The following PRICKLE1 variants were observed in gnomAD, a reference collection of about 807,000 sequenced individuals.
PRICKLE1 encodes the protein prickle planar cell polarity protein 1.
Under a neutral mutation model 70.2 loss-of-function variants are expected in PRICKLE1, and 14 were observed. The ratio of observed to expected loss-of-function variants is 0.20; its 90% confidence interval spans 0.13 to 0.31. The LOEUF (loss-of-function observed/expected upper bound fraction) is 0.31. PRICKLE1 is among the 10% of genes least tolerant of loss of function. The pLI is 1.00. For missense variants in PRICKLE1, 821 were observed against 1,026.2 expected (o/e 0.80, Z 2.73); for synonymous variants, 357 against 379.9 (o/e 0.94, Z 0.70).
chr12:42,533,931 C>A (rs1382516403), intron 1 of PRICKLE1, among the ~76,000 whole-genome samples: 2 of 152,128 alleles, frequency 1.3e-5, no homozygotes, highest in Non-Finnish European at 2.9e-5. Flanking sequence ...AATATTCCCC[C>A]ATCACTAGCT....
At chr12:42,469,890 T>C in intron 3 of PRICKLE1, 2 of 502,210 alleles carry the variant, frequency 4.0e-6, no homozygotes, top group Admixed American at 3.3e-5. Flanking sequence ...AACTTGTTAA[T>C]TGCCACTTTT....
chr12:42,555,028 C>T (rs12821463), intron 1 of PRICKLE1, among the ~76,000 whole-genome samples: 41,071 of 151,964 alleles, frequency 0.27, 6,663 homozygotes, highest in Admixed American at 0.41. Flanking sequence ...TCAGGCCGGG[C>T]GCAGTGGCTC....
At chr12:42,575,623 G>A (rs898731072) in intron 1 of PRICKLE1, among the ~76,000 whole-genome samples, 1 of 152,120 alleles carries the variant, frequency 6.6e-6, no homozygotes, top group Admixed American at 6.6e-5. Flanking sequence ...AAACCTGGGA[G>A]GTGGAGGTTG....
rs142613488 is a variant in PRICKLE1, at chr12:42,459,880, G to T, written c.2425C>A (p.Gln809Lys). The T allele has an allele frequency of 6.2e-7, 1 of 1,614,116 alleles. No individual in the cohort carries two copies. Among genetic ancestry groups the T allele is most frequent in the Admixed American group, 1.7e-5 (1 of 60,020 alleles). ...SSPPSALPTPQFGQRTTKSKK... is the reference protein window; with the variant it reads ...SSPPSALPTPKFGQRTTKSKK... ...GATTTTGTTGTCCTCTGACCAAACTGAGGGGTGGGAAGTGCAGATGGTGGA... is the reference window on the plus strand; with the variant it reads ...GATTTTGTTGTCCTCTGACCAAACTTAGGGGTGGGAAGTGCAGATGGTGGA... The change falls in exon 8 of 8, where the codon CAG becomes AAG. Residue 809 changes from glutamine to lysine, a missense_variant. By Grantham distance (53) the Gln-to-Lys change is moderately conservative (BLOSUM62 1). Transcript: ENST00000345127.
At chr12:42,581,837 A>G (rs555718583) in intron 1 of PRICKLE1, among the ~76,000 whole-genome samples, 5 of 152,134 alleles carry the variant, frequency 3.3e-5, no homozygotes, top group South Asian at 4.1e-4. Context: ...ATGATACACT[A>G]TCATAACCTG....
At chr12:42,565,721 C>T (rs1409760030) in intron 1 of PRICKLE1, among the ~76,000 whole-genome samples, 1 of 152,144 alleles carries the variant, frequency 6.6e-6, no homozygotes, top group Non-Finnish European at 1.5e-5. Flanking sequence ...ATCCAGTTTC[C>T]CTACCTTCTT....
intron 1 of PRICKLE1, among the ~76,000 whole-genome samples, chr12:42,510,764 T>A (rs1939497821): frequency 6.6e-6 from 1 of 152,218 alleles, no homozygotes; most frequent in African/African-American, 2.4e-5. Flanking sequence ...ATGTCCTATG[T>A]CTGTGTTATT....
chr12:42,484,874 C>A (rs1938944777), intron 1 of PRICKLE1, among the ~76,000 whole-genome samples: 1 of 152,116 alleles, frequency 6.6e-6, no homozygotes, highest in South Asian at 2.1e-4. Flanking sequence ...TTCTGAACTA[C>A]AAATTTTAGT....
intron 1 of PRICKLE1, among the ~76,000 whole-genome samples, chr12:42,487,078 G>A (rs1002294217): frequency 1.3e-5 from 2 of 152,162 alleles, no homozygotes; most frequent in Admixed American, 6.5e-5. Context: ...CAAAACCCTT[G>A]GGATCCTACA....
At chr12:42,548,921 G>T (rs1369484768) in intron 1 of PRICKLE1, among the ~76,000 whole-genome samples, 1 of 152,092 alleles carries the variant, frequency 6.6e-6, no homozygotes, top group Non-Finnish European at 1.5e-5. Context: ...AGGAGTTTGA[G>T]ACCAGCCTGG....
chr12:42,515,577 T>C (rs941578099), intron 1 of PRICKLE1, among the ~76,000 whole-genome samples: 1 of 152,220 alleles, frequency 6.6e-6, no homozygotes, highest in African/African-American at 2.4e-5. Context: ...CTATCCCATG[T>C]ACCTTTTCAT....
chr12:42,472,307 C>G (rs1334064334), intron 2 of PRICKLE1, 78 bp downstream of exon 2: 2 of 1,487,432 alleles, frequency 1.3e-6, no homozygotes, highest in Non-Finnish European at 1.9e-6. Context: ...GATGTTCTAT[C>G]CATTTACAAA....
intron 1 of PRICKLE1, among the ~76,000 whole-genome samples, chr12:42,523,824 T>C (rs960501941): frequency 6.6e-6 from 1 of 152,230 alleles, no homozygotes; most frequent in African/African-American, 2.4e-5. Context: ...TAAAGTTCAG[T>C]ATAAAGATCT....
intron 1 of PRICKLE1, among the ~76,000 whole-genome samples, chr12:42,551,684 C>A (rs188650798): frequency 2.6e-5 from 4 of 152,288 alleles, no homozygotes; most frequent in Admixed American, 1.3e-4. Context: ...AAGCTGGTTT[C>A]TTCTCCCTGT....
At chr12:42,555,751 A>T (rs1940403611) in intron 1 of PRICKLE1, among the ~76,000 whole-genome samples, 1 of 152,222 alleles carries the variant, frequency 6.6e-6, no homozygotes, top group Non-Finnish European at 1.5e-5. Flanking sequence ...ACAGTAAAAA[A>T]TAGCTGTTAA....
chr12:42,546,034 C>G (rs909724004), intron 1 of PRICKLE1, among the ~76,000 whole-genome samples: 4 of 151,734 alleles, frequency 2.6e-5, no homozygotes, highest in African/African-American at 9.7e-5. Context: ...TGTAAAAAAG[C>G]AATCTTTCAT....
intron 1 of PRICKLE1, among the ~76,000 whole-genome samples, chr12:42,536,631 T>G (rs1940020724): frequency 6.6e-6 from 1 of 152,156 alleles, no homozygotes; most frequent in Non-Finnish European, 1.5e-5. Context: ...TTCTAACAGC[T>G]CTCTCATCTG....
Position 42,483,996 on chromosome 12 carries a change from A to C in PRICKLE1, c.-48-11432T>G, listed in dbSNP as rs575590021. On this transcript the variant is annotated intron_variant, in intron 1 of 7. Transcript: ENST00000345127. ...CCTGGGGCCGGCGATCTTCAAAAGT[A>C]ATCAGAGCCCGCAGTAAAAAAAAAA... The C allele has an allele frequency of 2.5e-3, 317 of 125,912 alleles. 2 individuals carry two copies. The highest frequency in any genetic ancestry group is 8.3e-3 in the African/African-American group (277 of 33,482). The allele number at this position is 125,912 out of a possible 1,614,324, so 7.8% of individuals were successfully genotyped here.
chr12:42,460,891 T>A (rs1937805702), intron 7 of PRICKLE1, among the ~76,000 whole-genome samples: 1 of 152,172 alleles, frequency 6.6e-6, no homozygotes, highest in Non-Finnish European at 1.5e-5. Context: ...GTTTTTTTGT[T>A]TTGTTTTGAG....
Sources: gnomAD v4.1 joint callset for allele counts (sites outside exome capture counted in the v4.1 genomes callset) on GRCh38, gnomAD v4.1.1 for gene constraint, MANE v1.5 for transcripts, NCBI Gene and HGNC (gene_info 2026-07-23, HGNC 2026-07-21) for gene names.